Variants in UNC5D observed in about 807,000 individuals in gnomAD.
The protein encoded by UNC5D is netrin receptor UNC5D.
A neutral mutation model predicts 105.4 loss-of-function variants in UNC5D; 39 were observed. The ratio of observed to expected loss-of-function variants is 0.37; its 90% CI spans 0.29 to 0.48. The LOEUF (loss-of-function observed/expected upper bound fraction) is 0.48, where lower values mean the gene tolerates loss of function less well. Ranked by LOEUF, UNC5D falls within the 20% of genes least tolerant of loss-of-function variation. The probability of loss-of-function intolerance (pLI) is 0.98; values close to 1 mark genes in which losing one functional copy is unlikely to be tolerated. For missense variants in UNC5D, 991 were observed against 1,202.4 expected, an observed-to-expected ratio of 0.82 and a Z score of 2.60; for synonymous variants, 452 against 450.4, an observed-to-expected ratio of 1.00 and a Z score of -0.04.
At chr8:35,702,826 G>T (rs1216462303) in intron 7 of UNC5D, among the ~76,000 whole-genome samples, 1 of 152,100 alleles carries the variant, frequency 6.6e-6, no homozygotes, top group Admixed American at 6.6e-5. Context: ...ACCCTCTTGG[G>T]CACCAGAGAT....
intron 4 of UNC5D, among the ~76,000 whole-genome samples, chr8:35,599,923 G>T (rs1819740958): frequency 6.6e-6 from 1 of 152,094 alleles, no homozygotes; most frequent in African/African-American, 2.4e-5. Flanking sequence ...TTTAGCATTA[G>T]GTATATCTCC....
intron 16 of UNC5D, 117 bp downstream of exon 16, chr8:35,774,594 AT>A (rs1802156174): frequency 1.5e-6 from 2 of 1,330,532 alleles, no homozygotes; most frequent in African/African-American, 2.9e-5. Flanking sequence ...TCCTCTGGCC[AT>A]ATTTCCTGTG....
intron 4 of UNC5D, among the ~76,000 whole-genome samples, chr8:35,634,594 G>A (rs2131095574): frequency 6.6e-6 from 1 of 152,264 alleles, no homozygotes; most frequent in Middle Eastern, 3.4e-3. Context: ...AGGGTACAGA[G>A]AGACAAGTTA....
chr8:35,696,920 A>G (rs891962237), intron 7 of UNC5D, among the ~76,000 whole-genome samples: 1 of 152,092 alleles, frequency 6.6e-6, no homozygotes, highest in African/African-American at 2.4e-5. Flanking sequence ...TCATTTAGAA[A>G]GATATCATAG....
At chr8:35,633,139 G>C (rs1440491480) in intron 4 of UNC5D, among the ~76,000 whole-genome samples, 1 of 152,158 alleles carries the variant, frequency 6.6e-6, no homozygotes, top group Non-Finnish European at 1.5e-5. Context: ...CTGCAGCCTT[G>C]CCACCTGCAA....
At chr8:35,517,558 T>C (rs16884071) in intron 1 of UNC5D, among the ~76,000 whole-genome samples, 6,712 of 152,220 alleles carry the variant, frequency 0.044, 217 homozygotes, top group South Asian at 0.12. Flanking sequence ...TTGATGTTAG[T>C]GTGGAGTCCT....
intron 1 of UNC5D, among the ~76,000 whole-genome samples, chr8:35,511,882 T>C (rs2130361020): frequency 6.6e-6 from 1 of 152,330 alleles, no homozygotes; most frequent in South Asian, 2.1e-4. Flanking sequence ...ACTCTAAAAC[T>C]GATATACTTA....
chr8:35,741,201 C>T (rs1048811586), intron 11 of UNC5D, among the ~76,000 whole-genome samples: 1 of 152,114 alleles, frequency 6.6e-6, no homozygotes, highest in Admixed American at 6.6e-5. Flanking sequence ...TTGGTAAACA[C>T]CCTATGAATG....
intron 1 of UNC5D, among the ~76,000 whole-genome samples, chr8:35,353,146 T>A (rs1433021378): frequency 6.6e-6 from 1 of 152,182 alleles, no homozygotes; most frequent in Non-Finnish European, 1.5e-5. Context: ...AAAATAATTT[T>A]TCAAATTCCT....
At chr8:35,377,502 T>C (rs1802771373) in intron 1 of UNC5D, among the ~76,000 whole-genome samples, 1 of 152,118 alleles carries the variant, frequency 6.6e-6, no homozygotes, top group Non-Finnish European at 1.5e-5. Flanking sequence ...TGCAGCTCAG[T>C]GGGAAAGCTC....
Position 35,684,562 on chromosome 8 carries a change from TCCCCA to T in UNC5D, c.752-19_752-15del. ...AAACCTCTCTCCTTTTTTTCTCCCC[TCCCCA>T]TTTTTCTCTCTCAGTGAATGGAGGC... On this transcript the variant is annotated splice_polypyrimidine_tract_variant and intron_variant, in intron 5 of 16. Coordinates refer to ENST00000404895, the MANE Select transcript of UNC5D (RefSeq NM_080872.4). 6.2e-7 allele frequency: 1 copy of T among 1,606,402 alleles called. No individual in the cohort carries two copies. Among genetic ancestry groups the T allele is most frequent in the Admixed American group, 1.7e-5 (1 of 59,066 alleles).
At chr8:35,507,346 C>A (rs544051867) in intron 1 of UNC5D, among the ~76,000 whole-genome samples, 3 of 152,200 alleles carry the variant, frequency 2.0e-5, no homozygotes, top group Admixed American at 1.3e-4. Flanking sequence ...TGAGCCACCG[C>A]GCCGGCCCAG....
chr8:35,248,666 ATATGTT>A (rs1803386998), intron 1 of UNC5D, among the ~76,000 whole-genome samples: 1 of 99,994 alleles, frequency 1.0e-5, no homozygotes, highest in African/African-American at 4.3e-5. Flanking sequence ...AAATATAAAT[ATATGTT>A]ATATATAATA....
intron 1 of UNC5D, among the ~76,000 whole-genome samples, chr8:35,429,803 G>A (rs1303084944): frequency 1.3e-5 from 2 of 152,070 alleles, no homozygotes; most frequent in Non-Finnish European, 2.9e-5. Context: ...CCCAGCCCAT[G>A]ACGACCAATG....
chr8:35,651,509 A>G (rs773861799), intron 4 of UNC5D, among the ~76,000 whole-genome samples: 10 of 152,230 alleles, frequency 6.6e-5, no homozygotes, highest in Non-Finnish European at 1.5e-4. Flanking sequence ...TTTAATCACA[A>G]ATACAAAAGA....
At position 35,791,987 on chromosome 8, in the gene UNC5D, C is replaced by G. The variant is rs1368250116; in HGVS notation, c.*1424C>G. On this transcript the variant is annotated 3_prime_UTR_variant, in exon 17 of 17. Coordinates refer to ENST00000404895, the MANE Select transcript of UNC5D (RefSeq NM_080872.4). The stretch of plus-strand genomic sequence containing the variant: ...CTAAAGGTGAACAGATTTGCTCTTG[C>G]TCATCTTCTGGTGGATATTTTAACT... 1 of 152,134 alleles carries G rather than the reference C, an allele frequency of 6.6e-6. No homozygotes were observed. Among genetic ancestry groups the G allele is most frequent in the East Asian group, 1.9e-4 (1 of 5,194 alleles). 9.4% of individuals were successfully genotyped at this position (152,134 alleles called of 1,614,324 possible).
At chr8:35,375,813 A>T (rs1007627640) in intron 1 of UNC5D, among the ~76,000 whole-genome samples, 4 of 152,182 alleles carry the variant, frequency 2.6e-5, no homozygotes, top group African/African-American at 7.2e-5. Context: ...ACAAGGAATT[A>T]TATTTTTAAT....
chr8:35,243,595 A>G (rs1802922009), intron 1 of UNC5D, among the ~76,000 whole-genome samples: 2 of 152,154 alleles, frequency 1.3e-5, no homozygotes, highest in South Asian at 4.1e-4. Flanking sequence ...CTTAAGAATG[A>G]TCCGAAGTTC....
At chr8:35,654,849 A>G (rs757642988) in intron 4 of UNC5D, among the ~76,000 whole-genome samples, 1 of 152,132 alleles carries the variant, frequency 6.6e-6, no homozygotes, top group Non-Finnish European at 1.5e-5. Flanking sequence ...GTGTGATTTC[A>G]AGTAACTTGT....
Sources: allele counts gnomAD v4.1 joint callset (sites outside exome capture counted in the v4.1 genomes callset), GRCh38; gene constraint gnomAD v4.1.1; transcripts MANE v1.5; gene names NCBI Gene and HGNC (gene_info 2026-07-23, HGNC 2026-07-21).